MITF: variants seen among roughly 807,000 people sequenced by gnomAD.
MITF encodes melanocyte inducing transcription factor.
MITF carries 17 observed loss-of-function variants against 60.5 expected under a neutral mutation model. The ratio of observed to expected loss-of-function variants is 0.28; its 90% CI spans 0.19 to 0.42. The LOEUF (loss-of-function observed/expected upper bound fraction) is 0.42, where lower values mean the gene tolerates loss of function less well. MITF is among the 10% of genes least tolerant of loss of function. The pLI, the probability that MITF is intolerant of heterozygous loss-of-function variation, is 1.00. For synonymous variants in MITF, 260 were observed against 248.5 expected (o/e 1.05, Z -0.43); for missense variants, 622 against 683.5 (o/e 0.91, Z 1.00).
intron 1 of MITF, among the ~76,000 whole-genome samples, chr3:69,805,834 AT>A (rs1033234509): frequency 2.6e-5 from 4 of 151,676 alleles, no homozygotes; most frequent in African/African-American, 9.7e-5. Context: ...AATTTTTTAA[AT>A]TTTTTTGTGG....
chr3:69,939,567 A>G (rs1472991309), intron 4 of MITF, among the ~76,000 whole-genome samples: 3 of 152,072 alleles, frequency 2.0e-5, no homozygotes, highest in Admixed American at 2.0e-4. Context: ...ATGGAATCTC[A>G]TGGAACATAC....
At position 69,763,501 on chromosome 3, in the gene MITF, G is replaced by T. The variant is rs376288451; in HGVS notation, c.104+23800G>T. The stretch of plus-strand genomic sequence containing the variant: ...TTAAGTAGGCAGCAATTACTGGTTT[G>T]CTAAAGAAGCCAGCTCCTGCTGCCA... On this transcript the variant is annotated intron_variant, in intron 1 of 9. Transcript: ENST00000352241. The T allele has an allele frequency of 3.5e-5, 38 of 1,093,456 alleles. No individual in the cohort carries two copies. The East Asian group carries it at 5.6e-4, about 16-fold the overall frequency. 67.7% of individuals were successfully genotyped at this position (1,093,456 alleles called of 1,614,324 possible).
intron 1 of MITF, among the ~76,000 whole-genome samples, chr3:69,863,106 A>G (rs1287409758): frequency 1.3e-5 from 2 of 152,142 alleles, no homozygotes; most frequent in Non-Finnish European, 2.9e-5. Flanking sequence ...ACGTTGATTC[A>G]TTTTAAAGAT....
intron 1 of MITF, among the ~76,000 whole-genome samples, chr3:69,805,806 A>T (rs1231452009): frequency 6.6e-6 from 1 of 151,860 alleles, no homozygotes; most frequent in Admixed American, 6.6e-5. Flanking sequence ...CTACAGGCAT[A>T]TGCCACCATG....
intron 2 of MITF, among the ~76,000 whole-genome samples, chr3:69,935,660 A>G (rs943578249): frequency 6.6e-6 from 1 of 152,220 alleles, no homozygotes; most frequent in Non-Finnish European, 1.5e-5. Flanking sequence ...GCTTAACATA[A>G]CATTTGTCAG....
At chr3:69,789,225 T>G (rs565754109) in intron 1 of MITF, among the ~76,000 whole-genome samples, 2 of 152,352 alleles carry the variant, frequency 1.3e-5, no homozygotes, top group South Asian at 4.1e-4. Context: ...AAAAAGTATT[T>G]GCAAATCATA....
At chr3:69,907,938 T>C (rs972452343) in intron 2 of MITF, among the ~76,000 whole-genome samples, 6 of 152,206 alleles carry the variant, frequency 3.9e-5, no homozygotes, top group Admixed American at 3.9e-4. Flanking sequence ...AAATGGTTTT[T>C]TGAAAGGAAG....
intron 2 of MITF, chr3:69,936,591 C>A: frequency 6.5e-7 from 1 of 1,527,734 alleles, no homozygotes. Context: ...ATAAAGTTTC[C>A]GGTGGTGTCT....
chr3:69,741,468 C>G (rs1703526560), intron 1 of MITF, among the ~76,000 whole-genome samples: 1 of 152,122 alleles, frequency 6.6e-6, no homozygotes, highest in African/African-American at 2.4e-5. Flanking sequence ...TCTGGAAAAA[C>G]CCAAATGAGT....
intron 2 of MITF, among the ~76,000 whole-genome samples, chr3:69,894,579 G>C (rs2064831671): frequency 6.6e-6 from 1 of 151,650 alleles, no homozygotes; most frequent in South Asian, 2.1e-4. Flanking sequence ...CCTGCTACTG[G>C]GGAGGCTGAG....
chr3:69,825,797 C>T (rs896520192), intron 1 of MITF, among the ~76,000 whole-genome samples: 2 of 152,140 alleles, frequency 1.3e-5, no homozygotes, highest in African/African-American at 4.8e-5. Context: ...GTGTGTTGCT[C>T]TCAAGAGTGT....
chr3:69,964,820 A>G lies in MITF; in HGVS notation c.1180-27A>G, dbSNP rs371599077. The G allele has an allele frequency of 1.2e-5, 20 of 1,611,724 alleles. No individual in the cohort carries two copies. In the African/African-American group the frequency reaches 2.0e-4, roughly 16 times the overall value. On this transcript the variant is annotated intron_variant, in intron 9 of 9. Transcript: ENST00000352241. Reference sequence around the variant, plus strand: ...AAGTCCTCTGTGCTCTGCCTATTTCAGTGTTTTATCTTTACTCTTATTATA... The same window carrying G: ...AAGTCCTCTGTGCTCTGCCTATTTCGGTGTTTTATCTTTACTCTTATTATA...
intron 1 of MITF, chr3:69,758,830 T>G (rs2062168969): frequency 9.5e-6 from 2 of 211,152 alleles, no homozygotes; most frequent in South Asian, 3.8e-4. Context: ...TTTTCTTTTG[T>G]TAGCTATGAG....
chr3:69,824,028 G>A (rs1055539561), intron 1 of MITF, among the ~76,000 whole-genome samples: 1 of 152,168 alleles, frequency 6.6e-6, no homozygotes, highest in African/African-American at 2.4e-5. Context: ...GTCAAAATAT[G>A]AGCAACATTA....
intron 1 of MITF, chr3:69,769,407 A>G (rs1348080216): frequency 6.6e-6 from 1 of 151,936 alleles, no homozygotes; most frequent in African/African-American, 2.4e-5. Flanking sequence ...TTATTTTTTG[A>G]CTACTTATTT....
chr3:69,909,604 G>A (rs1309867841), intron 2 of MITF, among the ~76,000 whole-genome samples: 1 of 152,212 alleles, frequency 6.6e-6, no homozygotes, highest in African/African-American at 2.4e-5. Context: ...GGCCCAGGCT[G>A]AGGTGGTCTC....
intron 1 of MITF, among the ~76,000 whole-genome samples, chr3:69,839,892 C>T (rs1350815799): frequency 6.6e-6 from 1 of 152,076 alleles, no homozygotes. Context: ...CCCCCTCCCC[C>T]CACACCCCTC....
At chr3:69,916,538 G>T (rs1389108551) in intron 2 of MITF, among the ~76,000 whole-genome samples, 4 of 152,086 alleles carry the variant, frequency 2.6e-5, no homozygotes, top group Admixed American at 6.6e-5. Context: ...TTAAATTTGG[G>T]ATTGTTTAAA....
At chr3:69,951,720 T>C (rs889117006) in intron 6 of MITF, 92 bp from the exon 7 acceptor site, 4 of 935,568 alleles carry the variant, frequency 4.3e-6, no homozygotes, top group Non-Finnish European at 5.2e-6. Context: ...CAAATAAGCT[T>C]CTGTATGTTT....
Sources: gnomAD v4.1 joint callset for allele counts (sites outside exome capture counted in the v4.1 genomes callset) on GRCh38, gnomAD v4.1.1 for gene constraint, MANE v1.5 for transcripts, NCBI Gene and HGNC (gene_info 2026-07-23, HGNC 2026-07-21) for gene names.